The following GDPD5 variants were observed in gnomAD, a reference collection of about 807,000 sequenced individuals.
The protein encoded by GDPD5 is glycerophosphodiester phosphodiesterase domain containing 5, also known as glycerophosphodiester phosphodiesterase 2.
GDPD5 carries 48 observed loss-of-function variants against 75.1 expected under a neutral mutation model. The observed-to-expected ratio is 0.64, with a 90% CI of 0.51 to 0.81. The LOEUF (loss-of-function observed/expected upper bound fraction) is 0.81. GDPD5 is among the 40% of genes least tolerant of loss of function. The pLI, the probability that GDPD5 is intolerant of heterozygous loss-of-function variation, is 0.00. For synonymous variants in GDPD5, 336 were observed against 339.0 expected, an observed-to-expected ratio of 0.99 and a Z score of 0.10; for missense variants, 706 against 822.6, an observed-to-expected ratio of 0.86 and a Z score of 1.73.
chr11:75,461,603 G>A (rs905219726), intron 4 of GDPD5, among the ~76,000 whole-genome samples: 2 of 152,190 alleles, frequency 1.3e-5, no homozygotes, highest in African/African-American at 4.8e-5. Flanking sequence ...TAGAGATGTG[G>A]TCTCCTAGGA....
In GDPD5 at chr11:75,439,216, G is replaced by A. The variant is rs140924290; in HGVS notation, c.1556+663C>T. ...GGTAAGGGAGGCTTCAGGCGAGCGC[G>A]CTGTCTGCGAGGTGGCCCGGGCACA... is the stretch of plus-strand genomic sequence containing the variant. On this transcript the variant is annotated intron_variant, in intron 15 of 16. Coordinates refer to ENST00000336898, the MANE Select transcript of GDPD5 (RefSeq NM_030792.8). The A allele has an allele frequency of 3.2e-3, 1,286 of 407,082 alleles. 8 individuals carry two copies. The highest frequency in any genetic ancestry group is 3.5e-3 in the Non-Finnish European group (696 of 199,552). The allele number at this position is 407,082 out of a possible 1,614,324, so 25.2% of individuals were successfully genotyped here. A position where few individuals can be genotyped will look rare whatever the true frequency, so the allele number is the denominator to read the frequency against.
chr11:75,476,700 T>C (rs1275186822), intron 3 of GDPD5, among the ~76,000 whole-genome samples: 1 of 152,170 alleles, frequency 6.6e-6, no homozygotes, highest in Non-Finnish European at 1.5e-5. Flanking sequence ...GTGCCCACCC[T>C]GGCAGTTCCT....
chr11:75,507,759 C>T (rs1256415629), intron 1 of GDPD5, among the ~76,000 whole-genome samples: 1 of 152,238 alleles, frequency 6.6e-6, no homozygotes, highest in Non-Finnish European at 1.5e-5. Context: ...GGGACACTCA[C>T]AGGGACACTT....
intron 1 of GDPD5, among the ~76,000 whole-genome samples, chr11:75,507,449 G>A (rs543899642): frequency 6.6e-6 from 1 of 152,260 alleles, no homozygotes; most frequent in Non-Finnish European, 1.5e-5. Context: ...GTCACATAGA[G>A]AACTGGTGGC....
intron 13 of GDPD5, 146 bp from the exon 14 acceptor site, chr11:75,441,456 C>A (rs1201915804): frequency 7.1e-5 from 87 of 1,228,476 alleles, no homozygotes; most frequent in Non-Finnish European, 9.8e-5. Context: ...AGCTCCGGGA[C>A]AAGCCCGGGT....
At chr11:75,456,445 G>A in intron 6 of GDPD5, 1 of 403,366 alleles carries the variant, frequency 2.5e-6, no homozygotes, top group Non-Finnish European at 4.6e-6. Context: ...ATGACTGCGG[G>A]ACCCTGGATC....
chr11:75,503,935 T>C (rs1206637670), intron 1 of GDPD5, among the ~76,000 whole-genome samples: 1 of 152,166 alleles, frequency 6.6e-6, no homozygotes, highest in Admixed American at 6.5e-5. Flanking sequence ...GGGGAGCTGA[T>C]CCCTCCTAAG....
intron 1 of GDPD5, among the ~76,000 whole-genome samples, chr11:75,520,912 C>A (rs1950741723): frequency 6.6e-6 from 1 of 152,238 alleles, no homozygotes. Context: ...CAGCTAATGA[C>A]CATGCTGCCT....
At chr11:75,457,941 C>T (rs1009422336) in intron 4 of GDPD5, among the ~76,000 whole-genome samples, 155 bp from the exon 5 acceptor site, 2 of 152,248 alleles carry the variant, frequency 1.3e-5, no homozygotes, top group Non-Finnish European at 2.9e-5. Context: ...GCCTGATGCT[C>T]TACCATGCCT....
At chr11:75,465,107 A>G (rs1271273875) in intron 3 of GDPD5, among the ~76,000 whole-genome samples, 1 of 152,178 alleles carries the variant, frequency 6.6e-6, no homozygotes, top group Non-Finnish European at 1.5e-5. Context: ...AGGGTGAACC[A>G]TGTCTTTAGA....
At chr11:75,520,542 C>T (rs1162976823) in intron 1 of GDPD5, among the ~76,000 whole-genome samples, 3 of 152,106 alleles carry the variant, frequency 2.0e-5, no homozygotes, top group Non-Finnish European at 2.9e-5. Flanking sequence ...GGAAGCAGAC[C>T]AAGCAGAACC....
chr11:75,490,911 G>A (rs1434609717), intron 1 of GDPD5, among the ~76,000 whole-genome samples: 2 of 152,162 alleles, frequency 1.3e-5, no homozygotes, highest in East Asian at 1.9e-4. Context: ...AACAGGCCAC[G>A]GGAAGCAGAG....
At chr11:75,438,333 A>AC (rs757314455) in intron 15 of GDPD5, 1 of 152,130 alleles carries the variant, frequency 6.6e-6, no homozygotes, top group Non-Finnish European at 1.5e-5. Flanking sequence ...CCCCCAGGGT[A>AC]CCTTCCTCCA....
At position 75,494,755 on chromosome 11, in the gene GDPD5, C is replaced by G. The variant is rs1592136804; in HGVS notation, c.-144-4435G>C. On this transcript the variant is annotated intron_variant, in intron 1 of 16. Transcript: ENST00000336898. The stretch of plus-strand genomic sequence containing the variant: ...TCACCTGAGGTTGGGAGTTCGAGAC[C>G]AGCCTGGCCAACATGGTGAAATCCC... Among the ~76,000 whole-genome samples, 3 of 151,808 alleles carry G rather than the reference C, an allele frequency of 2.0e-5. No homozygotes were observed. In the South Asian group the frequency reaches 6.3e-4, roughly 32 times the overall value.
At chr11:75,506,286 A>T (rs774910193) in intron 1 of GDPD5, among the ~76,000 whole-genome samples, 4 of 152,176 alleles carry the variant, frequency 2.6e-5, no homozygotes, top group Non-Finnish European at 4.4e-5. Context: ...ACACTGGGTG[A>T]TGCTCCCCAG....
intron 1 of GDPD5, among the ~76,000 whole-genome samples, chr11:75,508,617 T>C (rs934389381): frequency 6.6e-6 from 1 of 152,152 alleles, no homozygotes; most frequent in African/African-American, 2.4e-5. Flanking sequence ...TGGGATCTTA[T>C]AAAAATAATC....
intron 2 of GDPD5, among the ~76,000 whole-genome samples, chr11:75,484,166 C>A (rs568457595): frequency 6.6e-6 from 1 of 152,276 alleles, no homozygotes; most frequent in Admixed American, 6.5e-5. Flanking sequence ...CCAGCCTGGG[C>A]AAGAGAGTGA....
intron 3 of GDPD5, among the ~76,000 whole-genome samples, chr11:75,463,644 G>A (rs1286520700): frequency 2.0e-5 from 3 of 152,188 alleles, no homozygotes; most frequent in African/African-American, 7.2e-5. Context: ...AGCCCTTGAG[G>A]GGAGGTCAGT....
At chr11:75,499,915 G>C (rs1344280063) in intron 1 of GDPD5, among the ~76,000 whole-genome samples, 1 of 152,206 alleles carries the variant, frequency 6.6e-6, no homozygotes, top group Non-Finnish European at 1.5e-5. Flanking sequence ...CCTGGTTTAC[G>C]AGGATGCTCT....
Sources: gnomAD v4.1 joint callset for allele counts (sites outside exome capture counted in the v4.1 genomes callset) on GRCh38, gnomAD v4.1.1 for gene constraint, MANE v1.5 for transcripts, NCBI Gene and HGNC (gene_info 2026-07-23, HGNC 2026-07-21) for gene names.